Variants in NACC2 observed in about 807,000 individuals in gnomAD.
NACC2 encodes nucleus accumbens-associated protein 2.
NACC2 carries 8 observed loss-of-function variants against 25.1 expected under a neutral mutation model. The observed-to-expected ratio is 0.32, with a 90% CI of 0.19 to 0.57. NACC2 has a LOEUF of 0.57. Ranked by LOEUF, NACC2 falls within the 20% of genes least tolerant of loss-of-function variation. NACC2 has a pLI of 0.89. For synonymous variants in NACC2, 435 were observed against 294.7 expected (o/e 1.48, Z -4.88); for missense variants, 644 against 650.2 (o/e 0.99, Z 0.10).
At chr9:136,063,889 AAAAAAAAAC>A (rs1386275685) in intron 1 of NACC2, among the ~76,000 whole-genome samples, 1 of 151,972 alleles carries the variant, frequency 6.6e-6, no homozygotes, top group Admixed American at 6.6e-5. Flanking sequence ...ATCTCAAAAA[AAAAAAAAAC>A]AAAAAAAACA....
rs777821979 is a variant in NACC2, at chr9:136,011,706, G to T, written c.1574C>A (p.Ala525Asp). 6.6e-7 allele frequency: 1 copy of T among 1,504,490 alleles called. No homozygotes were observed. The allele number at this position is 1,504,490 out of a possible 1,614,324, so 93.2% of individuals were successfully genotyped here. The change falls in exon 6 of 6, where the codon GCC becomes GAC. Residue 525 changes from alanine to aspartate, a missense_variant. Coordinates refer to ENST00000277554, the MANE Select transcript of NACC2 (RefSeq NM_144653.5). ...NVDLSAAANP[A>D]FDAGEEVDGA... ...GTCCACCTCCTCGCCGGCGTCGAAGGCGGGGTTGGCGGCGGCACTCAGGTC... is the reference window on the plus strand; with the variant it reads ...GTCCACCTCCTCGCCGGCGTCGAAGTCGGGGTTGGCGGCGGCACTCAGGTC...
chr9:136,061,905 AG>A (rs1841015935), intron 1 of NACC2, among the ~76,000 whole-genome samples: 1 of 152,190 alleles, frequency 6.6e-6, no homozygotes, highest in South Asian at 2.1e-4. Flanking sequence ...GGATCACCTG[AG>A]GTCAGGAGTT....
Position 136,049,664 on chromosome 9 carries a change from C to T in NACC2, c.858G>A (p.Met286Ile), listed in dbSNP as rs1840785988. The T allele has an allele frequency of 1.3e-6, 1 of 778,582 alleles. No individual in the cohort carries two copies. The highest frequency in any genetic ancestry group is 1.3e-5 in the South Asian group (1 of 74,570). 48.2% of individuals were successfully genotyped at this position (778,582 alleles called of 1,614,324 possible). A position where few individuals can be genotyped will look rare whatever the true frequency, so the allele number is the denominator to read the frequency against. ...DTMVEEQYGQ[M>I]YIKASGSYAV... ...CATAGCTGCCGGAGGCCTTGATGTA[C>T]ATCTGGCCGTACTGCTCCTCCACCA... The change falls in exon 2 of 6, where the codon ATG becomes ATA. Residue 286 changes from methionine to isoleucine, a missense_variant. By Grantham distance (10) the Met-to-Ile change is conservative. Transcript: ENST00000277554.
intron 1 of NACC2, 89 bp from the exon 2 acceptor site, chr9:136,050,669 G>C: frequency 3.1e-6 from 2 of 648,194 alleles, no homozygotes; most frequent in South Asian, 3.5e-5. Context: ...TCCCCCGCCG[G>C]GGGCTTACAA....
At chr9:136,068,058 TATC>T (rs552935804) in intron 1 of NACC2, among the ~76,000 whole-genome samples, 202 of 152,310 alleles carry the variant, frequency 1.3e-3, no homozygotes, top group Non-Finnish European at 2.2e-3. Flanking sequence ...ATAGGACACT[TATC>T]ATGAATGGAA....
At chr9:136,029,944 A>G (rs1017372150) in intron 2 of NACC2, among the ~76,000 whole-genome samples, 2 of 152,208 alleles carry the variant, frequency 1.3e-5, no homozygotes, top group African/African-American at 4.8e-5. Context: ...CCCAGCAGGC[A>G]CGAGCAAAAC....
At chr9:136,062,435 G>A (rs1841025991) in intron 1 of NACC2, among the ~76,000 whole-genome samples, 2 of 152,148 alleles carry the variant, frequency 1.3e-5, no homozygotes, top group African/African-American at 2.4e-5. Context: ...GTTTTGGCCC[G>A]TGGGGCATTA....
chr9:136,009,519 C>A lies in NACC2; in HGVS notation c.*1997G>T. 6.6e-6 allele frequency: 1 copy of A among 152,456 alleles called. No individual in the cohort carries two copies. 9.4% of individuals were successfully genotyped at this position (152,456 alleles called of 1,614,324 possible). The stretch of plus-strand genomic sequence containing the variant: ...GCGTCCACAGTGCCTGCCCATGGTC[C>A]CCCACCTCCTTCTGGAAAGCAACGT... On this transcript the variant is annotated 3_prime_UTR_variant, in exon 6 of 6. Transcript: ENST00000277554.
chr9:136,051,916 TGGA>T (rs1169257163), intron 1 of NACC2, among the ~76,000 whole-genome samples: 98,422 of 141,590 alleles, frequency 0.7, 33,546 homozygotes, highest in Non-Finnish European at 0.74. Flanking sequence ...GAGGAGATGG[TGGA>T]GGAGGAGGAG....
intron 2 of NACC2, 96 bp downstream of exon 2, chr9:136,049,540 G>C (rs1273491323): frequency 1.6e-6 from 1 of 639,066 alleles, no homozygotes; most frequent in Admixed American, 2.5e-5. Flanking sequence ...CTGTGGCCCC[G>C]CAGGCCTCCG....
In NACC2 at chr9:136,010,667, C is replaced by A. The variant is rs1308584072; in HGVS notation, c.*849G>T. The A allele has an allele frequency of 6.6e-6, 1 of 152,126 alleles. No individual in the cohort carries two copies. Among genetic ancestry groups the A allele is most frequent in the African/African-American group, 2.4e-5 (1 of 41,394 alleles). The allele number at this position is 152,126 out of a possible 1,614,324, so 9.4% of individuals were successfully genotyped here. A position where few individuals can be genotyped will look rare whatever the true frequency, so the allele number is the denominator to read the frequency against. ...AAATTACAACAAAACCTAAAAAAAA[C>A]AAGACAAGCATAATCCCAAAGTGGC... On this transcript the variant is annotated 3_prime_UTR_variant, in exon 6 of 6. Coordinates refer to ENST00000277554, the MANE Select transcript of NACC2 (RefSeq NM_144653.5). The surrounding 1 kb of genome is among the most constrained non-coding windows in gnomAD (Gnocchi z 4.9).
At chr9:136,023,063 G>GAGAGGAGGGAGGGAGGA in intron 2 of NACC2, among the ~76,000 whole-genome samples, 1 of 88,812 alleles carries the variant, frequency 1.1e-5, no homozygotes, top group Non-Finnish European at 2.3e-5. Flanking sequence ...GGAGGAAGGA[G>GAGAGGAGGGAGGGAGGA]GGAAGAGGGA....
intron 2 of NACC2, among the ~76,000 whole-genome samples, chr9:136,041,673 A>G (rs1282813545): frequency 6.6e-6 from 1 of 152,144 alleles, no homozygotes; most frequent in Non-Finnish European, 1.5e-5. Flanking sequence ...TCCAAAATTG[A>G]TTGTAGTGAT....
At chr9:136,083,016 A>G (rs1588584186) in intron 1 of NACC2, among the ~76,000 whole-genome samples, 1 of 152,182 alleles carries the variant, frequency 6.6e-6, no homozygotes, top group African/African-American at 2.4e-5. Flanking sequence ...CCCATTAGAC[A>G]TCTACACTCA....
chr9:136,041,001 A>AGAAAGGAAGGAAAG (rs781446471), intron 2 of NACC2, among the ~76,000 whole-genome samples: 8 of 139,194 alleles, frequency 5.7e-5, no homozygotes, highest in African/African-American at 1.9e-4. Context: ...AAGGAAGGAA[A>AGAAAGGAAGGAAAG]GAAAGGAAGG....
chr9:136,038,133 G>C (rs950562607), intron 2 of NACC2, among the ~76,000 whole-genome samples: 3 of 152,202 alleles, frequency 2.0e-5, no homozygotes, highest in African/African-American at 7.2e-5. Context: ...CGGTGGCCGG[G>C]AGTCAGGGGA....
intron 2 of NACC2, among the ~76,000 whole-genome samples, chr9:136,035,575 C>A (rs971167540): frequency 6.6e-6 from 1 of 152,144 alleles, no homozygotes; most frequent in Non-Finnish European, 1.5e-5. Flanking sequence ...AGGGAAAAAA[C>A]CACTGCTCTA....
At position 136,010,209 on chromosome 9, in the gene NACC2, T is replaced by G. The variant is rs2131128460; in HGVS notation, c.*1307A>C. 1 of 152,664 alleles carries G rather than the reference T, an allele frequency of 6.6e-6. No individual in the cohort carries two copies. The highest frequency in any genetic ancestry group is 1.9e-4 in the East Asian group (1 of 5,158). 9.5% of individuals were successfully genotyped at this position (152,664 alleles called of 1,614,324 possible). On this transcript the variant is annotated 3_prime_UTR_variant, in exon 6 of 6. Transcript: ENST00000277554. This position sits in a 1 kb window ranked among gnomAD's most constrained non-coding sequence, Gnocchi z 4.9. ...CCCCCCAACATGATCCCTAACCCTC[T>G]GTCCCCTACCAGTGCCCATACCTCC...
intron 1 of NACC2, among the ~76,000 whole-genome samples, chr9:136,058,045 AT>A (rs1471065309): frequency 6.6e-6 from 1 of 152,126 alleles, no homozygotes; most frequent in Non-Finnish European, 1.5e-5. Context: ...ATTTCTAATT[AT>A]GCTTAAAACT....
Sources: allele counts gnomAD v4.1 joint callset (sites outside exome capture counted in the v4.1 genomes callset), GRCh38; gene constraint gnomAD v4.1.1; non-coding constraint Gnocchi (gnomAD v3.1); transcripts MANE v1.5; gene names NCBI Gene and HGNC (gene_info 2026-07-23, HGNC 2026-07-21).